OXR1: variants seen among roughly 807,000 people sequenced by gnomAD.
OXR1 encodes the protein oxidation resistance 1, also known as oxidation resistance protein 1.
OXR1 carries 41 observed loss-of-function variants against 104.6 expected under a neutral mutation model. The ratio of observed to expected loss-of-function variants is 0.39; its 90% CI spans 0.31 to 0.51. The LOEUF (loss-of-function observed/expected upper bound fraction) is 0.51. Among genes scored for constraint, OXR1 ranks in the 20% least tolerant of loss-of-function variants. The pLI is 0.77. For synonymous variants in OXR1, 348 were observed against 348.4 expected, an observed-to-expected ratio of 1.00 and a Z score of 0.01; for missense variants, 955 against 1,031.9, an observed-to-expected ratio of 0.93 and a Z score of 1.02.
At chr8:106,482,499 G>A (rs913310245) in intron 2 of OXR1, among the ~76,000 whole-genome samples, 1 of 151,514 alleles carries the variant, frequency 6.6e-6, no homozygotes, top group Non-Finnish European at 1.5e-5. Context: ...TTTTCTGAAC[G>A]ACTATTTCTT....
At chr8:106,518,860 A>G (rs1455640967) in intron 2 of OXR1, 83 bp from the exon 3 acceptor site, 3 of 993,432 alleles carry the variant, frequency 3.0e-6, no homozygotes, top group Non-Finnish European at 4.4e-6. Context: ...AATATAACTC[A>G]ATTGTTGAAA....
At chr8:106,341,067 G>C (rs1278585734) in intron 1 of OXR1, among the ~76,000 whole-genome samples, 1 of 152,064 alleles carries the variant, frequency 6.6e-6, no homozygotes, top group Non-Finnish European at 1.5e-5. Context: ...TATTTCAACT[G>C]CTGCTACTAA....
At chr8:106,716,923 G>A (rs1057075349) in intron 11 of OXR1, among the ~76,000 whole-genome samples, 3 of 152,074 alleles carry the variant, frequency 2.0e-5, no homozygotes, top group Admixed American at 6.6e-5. Context: ...GTTAAACTAG[G>A]GAGGCCGAGG....
intron 3 of OXR1, among the ~76,000 whole-genome samples, chr8:106,530,458 A>G (rs1406674298): frequency 6.6e-6 from 1 of 152,168 alleles, no homozygotes; most frequent in East Asian, 1.9e-4. Context: ...TACCGAGTCA[A>G]GATATTTCTT....
chr8:106,414,985 G>A (rs963520525), intron 2 of OXR1, among the ~76,000 whole-genome samples: 9 of 152,134 alleles, frequency 5.9e-5, no homozygotes, highest in African/African-American at 1.9e-4. Flanking sequence ...ACGCTGTACT[G>A]CAGAATTAGC....
intron 11 of OXR1, among the ~76,000 whole-genome samples, chr8:106,736,328 A>AT (rs1472101598): frequency 6.6e-6 from 1 of 152,102 alleles, no homozygotes; most frequent in Non-Finnish European, 1.5e-5. Flanking sequence ...TTCTATTCTC[A>AT]TGTCTTTCAG....
At chr8:106,634,815 C>T (rs905865193) in intron 3 of OXR1, among the ~76,000 whole-genome samples, 6 of 150,872 alleles carry the variant, frequency 4.0e-5, no homozygotes, top group Admixed American at 1.3e-4. Flanking sequence ...TGACCTATTT[C>T]TGTAACAAGC....
At chr8:106,508,944 A>G (rs1411847061) in intron 2 of OXR1, among the ~76,000 whole-genome samples, 2 of 152,204 alleles carry the variant, frequency 1.3e-5, no homozygotes, top group Non-Finnish European at 2.9e-5. Context: ...GCAAAACTAC[A>G]TTTTAATCAG....
At chr8:106,620,068 T>C (rs1366825848) in intron 3 of OXR1, among the ~76,000 whole-genome samples, 2 of 152,148 alleles carry the variant, frequency 1.3e-5, no homozygotes, top group African/African-American at 4.8e-5. Flanking sequence ...ATATTTCATA[T>C]ATAGCACTTA....
At chr8:106,468,821 T>G (rs1432980752) in intron 2 of OXR1, among the ~76,000 whole-genome samples, 2 of 151,798 alleles carry the variant, frequency 1.3e-5, no homozygotes, top group Admixed American at 6.6e-5. Context: ...ATTTTAGGGA[T>G]TACTTCGTCA....
At chr8:106,516,408 G>T (rs1812863458) in intron 2 of OXR1, among the ~76,000 whole-genome samples, 1 of 152,142 alleles carries the variant, frequency 6.6e-6, no homozygotes, top group Non-Finnish European at 1.5e-5. Context: ...TAGGACTACA[G>T]TTGTTTTGCC....
intron 1 of OXR1, among the ~76,000 whole-genome samples, chr8:106,312,224 T>C (rs1009648788): frequency 6.6e-6 from 1 of 152,212 alleles, no homozygotes; most frequent in African/African-American, 2.4e-5. Flanking sequence ...TAGTTAACAA[T>C]CATAGTACCA....
chr8:106,657,054 G>C (rs909609434), intron 3 of OXR1, among the ~76,000 whole-genome samples: 4 of 152,122 alleles, frequency 2.6e-5, no homozygotes, highest in Non-Finnish European at 5.9e-5. Context: ...ACAAACAGAT[G>C]TGAAAGGAAG....
chr8:106,284,817 AAAAG>A (rs893929952), intron 1 of OXR1, among the ~76,000 whole-genome samples: 5 of 152,118 alleles, frequency 3.3e-5, no homozygotes, highest in African/African-American at 9.7e-5. Context: ...TTTTTAAAAA[AAAAG>A]GCTGTTAAAA....
intron 3 of OXR1, among the ~76,000 whole-genome samples, chr8:106,613,251 C>T (rs142235058): frequency 2.0e-5 from 3 of 152,294 alleles, no homozygotes; most frequent in Non-Finnish European, 2.9e-5. Flanking sequence ...GAGTGCTTAG[C>T]GTAGGCTGCT....
chr8:106,419,245 G>A (rs575061258), intron 2 of OXR1, among the ~76,000 whole-genome samples: 124 of 152,246 alleles, frequency 8.1e-4, no homozygotes, highest in Middle Eastern at 3.4e-3. Context: ...CAGAACTCAC[G>A]GTGACTTAAA....
chr8:106,387,976 A>T (rs1817445591), intron 2 of OXR1, among the ~76,000 whole-genome samples: 1 of 152,174 alleles, frequency 6.6e-6, no homozygotes, highest in African/African-American at 2.4e-5. Context: ...TACAGCCTAA[A>T]ATAGTTATAG....
At chr8:106,661,750 A>G (rs1419001605) in intron 3 of OXR1, among the ~76,000 whole-genome samples, 1 of 152,122 alleles carries the variant, frequency 6.6e-6, no homozygotes, top group Non-Finnish European at 1.5e-5. Context: ...TTTTCTTTTC[A>G]TTTATTTTTA....
chr8:106,405,184 A>AGTG, intron 2 of OXR1, among the ~76,000 whole-genome samples: 1 of 13,126 alleles, frequency 7.6e-5, no homozygotes, highest in East Asian at 4.5e-3. Context: ...ATATATATAT[A>AGTG]TATATATATA....
Sources: gnomAD v4.1 joint callset for allele counts (sites outside exome capture counted in the v4.1 genomes callset) on GRCh38, gnomAD v4.1.1 for gene constraint, MANE v1.5 for transcripts, NCBI Gene and HGNC (gene_info 2026-07-23, HGNC 2026-07-21) for gene names.